CDH18: variants seen among roughly 807,000 people sequenced by gnomAD.
The protein encoded by CDH18 is cadherin-18.
A neutral mutation model predicts 67.9 loss-of-function variants in CDH18; 31 were observed. The ratio of observed to expected loss-of-function variants is 0.46; its 90% CI spans 0.34 to 0.62. The LOEUF (loss-of-function observed/expected upper bound fraction) is 0.62, where lower values mean the gene tolerates loss of function less well. Ranked by LOEUF, CDH18 falls within the 20% of genes least tolerant of loss-of-function variation. CDH18 has a pLI of 0.01. For synonymous variants in CDH18, 362 were observed against 347.2 expected (o/e 1.04, Z -0.48); for missense variants, 890 against 975.5 (o/e 0.91, Z 1.17).
At chr5:20,176,418 A>G (rs1210315980) in intron 2 of CDH18, among the ~76,000 whole-genome samples, 2 of 152,164 alleles carry the variant, frequency 1.3e-5, no homozygotes, top group Non-Finnish European at 2.9e-5. Flanking sequence ...GATCAAGCTA[A>G]TTATTTTTTC....
chr5:20,292,665 C>T (rs1021237129), intron 1 of CDH18, among the ~76,000 whole-genome samples: 1 of 152,156 alleles, frequency 6.6e-6, no homozygotes, highest in African/African-American at 2.4e-5. Context: ...GGGAGGAGAA[C>T]GTGTTCCATG....
chr5:19,986,762 T>C (rs945150926), intron 1 of CDH18, among the ~76,000 whole-genome samples: 4 of 152,152 alleles, frequency 2.6e-5, no homozygotes, highest in Non-Finnish European at 5.9e-5. Flanking sequence ...ATCTTCTTCC[T>C]CCCACATCCC....
chr5:20,215,363 G>T (rs961552147), intron 2 of CDH18, among the ~76,000 whole-genome samples: 4 of 150,920 alleles, frequency 2.7e-5, no homozygotes, highest in African/African-American at 9.7e-5. Flanking sequence ...TAAACAAATG[G>T]GTACAAAGAA....
At chr5:19,824,532 G>A (rs574366607) in intron 3 of CDH18, among the ~76,000 whole-genome samples, 129 of 152,246 alleles carry the variant, frequency 8.5e-4, no homozygotes, top group African/African-American at 3.0e-3. Flanking sequence ...AGAGCCACCC[G>A]GACATTTTGA....
rs74462293 is a variant in CDH18 at position 19,906,449 on chromosome 5, A to G, written c.-256-67207T>C. ...TATGTCACCTATCTAATTAAAATGT[A>G]TAAAATAACAATTATATTAAAGATA... On this transcript the variant is annotated intron_variant, in intron 2 of 12. Coordinates refer to ENST00000382275, the MANE Select transcript of CDH18 (RefSeq NM_004934.5). 4.0e-3 allele frequency among the ~76,000 whole-genome samples: 606 copies of G among 152,078 alleles called. 6 individuals carry two copies. Among genetic ancestry groups the G allele is most frequent in the African/African-American group, 0.013 (560 of 41,564 alleles).
intron 5 of CDH18, among the ~76,000 whole-genome samples, chr5:19,669,584 C>T (rs572176899): frequency 3.2e-4 from 49 of 152,052 alleles, no homozygotes; most frequent in South Asian, 4.1e-4. Flanking sequence ...AGCCACTGCA[C>T]CCAACCTCTC....
chr5:19,631,073 A>T (rs945568830), intron 5 of CDH18, among the ~76,000 whole-genome samples: 1 of 151,734 alleles, frequency 6.6e-6, no homozygotes, highest in Non-Finnish European at 1.5e-5. Flanking sequence ...CACTGACTCA[A>T]GCACCATTTA....
At chr5:20,045,578 CAT>C (rs140756473) in intron 2 of CDH18, among the ~76,000 whole-genome samples, 1,749 of 149,410 alleles carry the variant, frequency 0.012, 24 homozygotes, top group Admixed American at 0.036. Context: ...ATAGAAAACA[CAT>C]ATATATATAT....
At chr5:20,169,961 T>G (rs923942133) in intron 2 of CDH18, among the ~76,000 whole-genome samples, 2 of 152,088 alleles carry the variant, frequency 1.3e-5, no homozygotes, top group African/African-American at 4.8e-5. Context: ...ACAATAAGTT[T>G]TTAAAGTAAA....
intron 2 of CDH18, among the ~76,000 whole-genome samples, chr5:20,005,237 G>A (rs1736791199): frequency 6.6e-6 from 1 of 152,028 alleles, no homozygotes; most frequent in Non-Finnish European, 1.5e-5. Context: ...CTCACCAGTG[G>A]CACTGAATAC....
intron 2 of CDH18, among the ~76,000 whole-genome samples, chr5:19,939,050 C>A (rs887827227): frequency 6.6e-6 from 1 of 150,868 alleles, no homozygotes; most frequent in African/African-American, 2.4e-5. Context: ...ACATTAAAAA[C>A]TGAATTTATA....
intron 2 of CDH18, among the ~76,000 whole-genome samples, chr5:19,860,573 C>T (rs1242212547): frequency 6.6e-6 from 1 of 151,292 alleles, no homozygotes; most frequent in Non-Finnish European, 1.5e-5. Flanking sequence ...ATATAATATA[C>T]TTTAAGGTAC....
chr5:20,264,634 A>C (rs752519971), intron 1 of CDH18, among the ~76,000 whole-genome samples: 4 of 152,028 alleles, frequency 2.6e-5, no homozygotes, highest in Non-Finnish European at 5.9e-5. Flanking sequence ...ACAAAACCCC[A>C]CAAAGCGGAA....
intron 2 of CDH18, among the ~76,000 whole-genome samples, chr5:20,247,184 C>T (rs564651503): frequency 4.6e-5 from 7 of 152,294 alleles, no homozygotes; most frequent in Non-Finnish European, 7.4e-5. Flanking sequence ...TTCCCTACCC[C>T]TCATCAGATC....
intron 1 of CDH18, among the ~76,000 whole-genome samples, chr5:20,525,555 G>C (rs927086626): frequency 2.6e-5 from 4 of 152,074 alleles, no homozygotes; most frequent in Admixed American, 6.6e-5. Flanking sequence ...ATGAGAAAAA[G>C]AGAAGGAGCT....
intron 3 of CDH18, among the ~76,000 whole-genome samples, chr5:19,767,816 T>C (rs1002826792): frequency 6.6e-6 from 1 of 152,100 alleles, no homozygotes; most frequent in African/African-American, 2.4e-5. Context: ...AGTAACTGTT[T>C]CCAAACTTGG....
At chr5:20,078,585 T>C (rs13171475) in intron 2 of CDH18, among the ~76,000 whole-genome samples, 8 of 150,164 alleles carry the variant, frequency 5.3e-5, no homozygotes, top group Non-Finnish European at 7.4e-5. Flanking sequence ...TGACATTTTG[T>C]TTTTTTTGGT....
At chr5:19,481,435 G>T (rs1425884722) in intron 12 of CDH18, among the ~76,000 whole-genome samples, 3 of 152,158 alleles carry the variant, frequency 2.0e-5, no homozygotes, top group African/African-American at 7.2e-5. Context: ...TTATAAGTAT[G>T]CTACTCTAAC....
intron 3 of CDH18, among the ~76,000 whole-genome samples, chr5:19,758,475 A>T (rs1251863720): frequency 6.6e-6 from 1 of 152,238 alleles, no homozygotes; most frequent in Non-Finnish European, 1.5e-5. Context: ...CGTTGGATCT[A>T]CTGGGTCATG....
Sources: gnomAD v4.1 joint callset for allele counts (sites outside exome capture counted in the v4.1 genomes callset) on GRCh38, gnomAD v4.1.1 for gene constraint, MANE v1.5 for transcripts, NCBI Gene and HGNC (gene_info 2026-07-23, HGNC 2026-07-21) for gene names.